CDK14: variants seen among roughly 807,000 people sequenced by gnomAD.
CDK14 encodes cyclin-dependent kinase 14.
A neutral mutation model predicts 60.7 loss-of-function variants in CDK14; 34 were observed. That is an observed-to-expected ratio of 0.56 (90% CI 0.43 to 0.75). The LOEUF is 0.75. CDK14 is among the 30% of genes least tolerant of loss of function. The pLI, the probability that CDK14 is intolerant of heterozygous loss-of-function variation, is 0.00. For missense variants in CDK14, 482 were observed against 564.1 expected (o/e 0.85, Z 1.47); for synonymous variants, 197 against 203.7 (o/e 0.97, Z 0.28).
intron 2 of CDK14, among the ~76,000 whole-genome samples, chr7:90,663,760 T>C (rs982114850): frequency 3.9e-5 from 6 of 152,194 alleles, no homozygotes; most frequent in African/African-American, 1.2e-4. Flanking sequence ...CTTTGGAAAA[T>C]AGGAATTGCT....
rs1428630981 is a variant in CDK14 at position 90,863,458 on chromosome 7, A to G, written c.639+189A>G. On this transcript the variant is annotated intron_variant, in intron 6 of 14. Transcript: ENST00000380050. ...ATTGAATGATATGTATCTTAAAAGA[A>G]AAACCCAGAAAAATGTTAACTTGAA... Among the ~76,000 whole-genome samples, 4 of 152,296 alleles carry G rather than the reference A, an allele frequency of 2.6e-5. No individual in the cohort carries two copies. The East Asian group carries it at 7.7e-4, about 29-fold the overall frequency.
intron 12 of CDK14, among the ~76,000 whole-genome samples, chr7:91,099,347 A>G (rs1024321460): frequency 6.6e-6 from 1 of 152,180 alleles, no homozygotes; most frequent in Admixed American, 6.5e-5. Context: ...GAATTTTTGG[A>G]TAAATGAAGA....
intron 4 of CDK14, among the ~76,000 whole-genome samples, chr7:90,778,492 G>T (rs939459151): frequency 2.6e-5 from 4 of 152,148 alleles, no homozygotes; most frequent in Non-Finnish European, 4.4e-5. Flanking sequence ...GCTCCTGCAG[G>T]AATTCTCCAC....
At chr7:90,802,615 G>C (rs954023189) in intron 5 of CDK14, among the ~76,000 whole-genome samples, 1 of 152,106 alleles carries the variant, frequency 6.6e-6, no homozygotes, top group Non-Finnish European at 1.5e-5. Context: ...GTATGATTTT[G>C]AGCAAGTCTT....
At chr7:90,942,654 G>T (rs865943636) in intron 8 of CDK14, among the ~76,000 whole-genome samples, 2 of 152,120 alleles carry the variant, frequency 1.3e-5, no homozygotes, top group East Asian at 1.9e-4. Flanking sequence ...CCTTCATTGT[G>T]CAGTCTCTAT....
chr7:90,658,637 T>G (rs1471810975), intron 2 of CDK14, among the ~76,000 whole-genome samples: 2 of 152,214 alleles, frequency 1.3e-5, no homozygotes, highest in African/African-American at 4.8e-5. Flanking sequence ...ATCAGTGCTT[T>G]CTTTTTATGG....
At chr7:90,744,448 C>T (rs1803490809) in intron 3 of CDK14, among the ~76,000 whole-genome samples, 1 of 152,248 alleles carries the variant, frequency 6.6e-6, no homozygotes, top group Non-Finnish European at 1.5e-5. Flanking sequence ...ATTTCTCAAT[C>T]TTTTCCCCAC....
At chr7:91,075,978 C>T (rs1248924831) in intron 11 of CDK14, among the ~76,000 whole-genome samples, 2 of 151,814 alleles carry the variant, frequency 1.3e-5, no homozygotes, top group Non-Finnish European at 2.9e-5. Flanking sequence ...AGGACACAAA[C>T]AAATGGAAAA....
chr7:90,935,518 G>C (rs148278317), intron 8 of CDK14, among the ~76,000 whole-genome samples: 2,795 of 152,244 alleles, frequency 0.018, 43 homozygotes, highest in Non-Finnish European at 0.028. Flanking sequence ...TTGGGAATAA[G>C]ATATTAACAA....
At chr7:90,694,327 AC>A (rs1423443751) in intron 2 of CDK14, among the ~76,000 whole-genome samples, 3 of 152,232 alleles carry the variant, frequency 2.0e-5, no homozygotes, top group Non-Finnish European at 4.4e-5. Context: ...TTTTAAAAAA[AC>A]AGTTAAAACA....
chr7:90,649,542 T>C (rs1450219415), intron 2 of CDK14, among the ~76,000 whole-genome samples: 5 of 150,474 alleles, frequency 3.3e-5, no homozygotes, highest in African/African-American at 1.2e-4. Flanking sequence ...ACATGTGCCA[T>C]GTTGGTTTGC....
intron 4 of CDK14, among the ~76,000 whole-genome samples, chr7:90,762,036 A>G (rs962604335): frequency 4.6e-5 from 7 of 152,308 alleles, no homozygotes; most frequent in East Asian, 1.9e-4. Context: ...AAGAATTAAG[A>G]CCGAGAGTAG....
At chr7:91,164,692 G>C (rs560562712) in intron 14 of CDK14, among the ~76,000 whole-genome samples, 1 of 152,194 alleles carries the variant, frequency 6.6e-6, no homozygotes, top group African/African-American at 2.4e-5. Context: ...GTCATACTCA[G>C]AGTGGAAAGC....
At position 91,209,687 on chromosome 7, in the gene CDK14, G is replaced by C. The variant is rs952093954; in HGVS notation, c.*2551G>C. The C allele has an allele frequency of 6.6e-6, 1 of 152,552 alleles. No individual in the cohort carries two copies. The highest frequency in any genetic ancestry group is 2.1e-4 in the South Asian group (1 of 4,830). The allele number at this position is 152,552 out of a possible 1,614,324, so 9.4% of individuals were successfully genotyped here. A position where few individuals can be genotyped will look rare whatever the true frequency, so the allele number is the denominator to read the frequency against. On this transcript the variant is annotated 3_prime_UTR_variant, in exon 15 of 15. Coordinates refer to ENST00000380050, the MANE Select transcript of CDK14 (RefSeq NM_001287135.2). ...ACCTTAGCACATCACTGCACACACA[G>C]TATTCTGAAAGGAGATTTGACACTT...
chr7:90,785,491 G>A (rs2116947516), intron 4 of CDK14, among the ~76,000 whole-genome samples: 1 of 152,008 alleles, frequency 6.6e-6, no homozygotes, highest in Non-Finnish European at 1.5e-5. Context: ...CAAATGAATG[G>A]GTGAAAAAAT....
At chr7:90,912,249 A>G (rs769233965) in intron 7 of CDK14, among the ~76,000 whole-genome samples, 9 of 152,092 alleles carry the variant, frequency 5.9e-5, no homozygotes, top group Non-Finnish European at 1.0e-4. Flanking sequence ...CAGCACGTGA[A>G]TTTGTCTTCT....
Position 90,802,151 on chromosome 7 carries a change from A to T in CDK14, c.544+11499A>T, listed in dbSNP as rs184853734. On this transcript the variant is annotated intron_variant, in intron 5 of 14. Transcript: ENST00000380050. ...TCAATATCGCTGTTTGGAATTGTTC[A>T]TCCTCTTGTAATGATTTCAAAATTA... Among the ~76,000 whole-genome samples the T allele has an allele frequency of 3.3e-5, 5 of 152,216 alleles. No individual in the cohort carries two copies. The East Asian group carries it at 9.6e-4, about 29-fold the overall frequency.
intron 6 of CDK14, among the ~76,000 whole-genome samples, chr7:90,865,628 G>A (rs1791153235): frequency 6.6e-6 from 1 of 152,138 alleles, no homozygotes; most frequent in African/African-American, 2.4e-5. Flanking sequence ...AAACAGGAGG[G>A]CACTGTGGGC....
intron 2 of CDK14, among the ~76,000 whole-genome samples, chr7:90,706,553 A>C (rs1801900747): frequency 6.6e-6 from 1 of 152,198 alleles, no homozygotes; most frequent in Non-Finnish European, 1.5e-5. Context: ...AAAGTAAATT[A>C]ATGAACAAAA....
Sources: gnomAD v4.1 joint callset for allele counts (sites outside exome capture counted in the v4.1 genomes callset) on GRCh38, gnomAD v4.1.1 for gene constraint, MANE v1.5 for transcripts, NCBI Gene and HGNC (gene_info 2026-07-23, HGNC 2026-07-21) for gene names.